PTPRT: variants seen among roughly 807,000 people sequenced by gnomAD.
PTPRT encodes the protein receptor-type tyrosine-protein phosphatase T.
A neutral mutation model predicts 176.8 loss-of-function variants in PTPRT; 56 were observed. The observed-to-expected ratio is 0.32, with a 90% CI of 0.26 to 0.40. The LOEUF is 0.40. Ranked by LOEUF, PTPRT falls within the 10% of genes least tolerant of loss-of-function variation. PTPRT has a pLI of 1.00. For missense variants in PTPRT, 1,540 were observed against 1,908.2 expected, an observed-to-expected ratio of 0.81 and a Z score of 3.60; for synonymous variants, 783 against 739.0, an observed-to-expected ratio of 1.06 and a Z score of -0.96.
At chr20:42,980,512 TTC>T (rs771535448) in intron 1 of PTPRT, among the ~76,000 whole-genome samples, 78 of 152,374 alleles carry the variant, frequency 5.1e-4, no homozygotes, top group Non-Finnish European at 8.1e-4. Context: ...GTTAAATACA[TTC>T]TCTTATTCAA....
chr20:42,929,004 C>A (rs1453506085), intron 1 of PTPRT, among the ~76,000 whole-genome samples: 1 of 152,224 alleles, frequency 6.6e-6, no homozygotes, highest in Admixed American at 6.5e-5. Context: ...ACAGAACATA[C>A]CCCCTGCTTT....
At chr20:42,715,905 A>G (rs535312051) in intron 6 of PTPRT, among the ~76,000 whole-genome samples, 4 of 152,338 alleles carry the variant, frequency 2.6e-5, no homozygotes, top group South Asian at 2.1e-4. Flanking sequence ...AGTTAAAACA[A>G]TCTTGATTAA....
At chr20:42,068,618 A>G (rs1982181958), downstream of PTPRT, among the ~76,000 whole-genome samples, 1 of 152,224 alleles carries the variant, frequency 6.6e-6, no homozygotes, top group Admixed American at 6.5e-5. Flanking sequence ...GGGCGGGATG[A>G]GCCACTTTAT....
chr20:42,958,671 G>A (rs560523589), intron 1 of PTPRT, among the ~76,000 whole-genome samples: 3 of 151,798 alleles, frequency 2.0e-5, no homozygotes, highest in East Asian at 2.0e-4. Context: ...TTTACTAGGG[G>A]AACACATAAT....
At chr20:42,883,826 A>ACC in intron 2 of PTPRT, among the ~76,000 whole-genome samples, 2 of 120,298 alleles carry the variant, frequency 1.7e-5, no homozygotes, top group African/African-American at 7.1e-5. Context: ...ATATGCACAC[A>ACC]CACACACCCC....
At chr20:42,599,988 C>G (rs899433179) in intron 7 of PTPRT, among the ~76,000 whole-genome samples, 1 of 152,156 alleles carries the variant, frequency 6.6e-6, no homozygotes, top group Non-Finnish European at 1.5e-5. Context: ...GTGTTGTCCT[C>G]TCAGCCTTGA....
At chr20:42,779,849 G>GTT (rs11478372) in intron 4 of PTPRT, among the ~76,000 whole-genome samples, 4 of 146,274 alleles carry the variant, frequency 2.7e-5, no homozygotes, top group South Asian at 4.4e-4. Flanking sequence ...GTGGTGGTGT[G>GTT]TTTTTTTTTT....
chr20:42,859,890 C>T (rs1268132965), intron 2 of PTPRT, among the ~76,000 whole-genome samples: 1 of 151,958 alleles, frequency 6.6e-6, no homozygotes, highest in Admixed American at 6.6e-5. Context: ...CCGTGCCCAG[C>T]CAGTTTGATA....
chr20:42,707,184 T>G (rs778726136), intron 6 of PTPRT, among the ~76,000 whole-genome samples: 13 of 152,190 alleles, frequency 8.5e-5, no homozygotes, highest in East Asian at 1.9e-4. Context: ...GTTTGTTGTT[T>G]TTTTTGCCAC....
At chr20:42,289,664 T>G (rs1204739626) in intron 12 of PTPRT, among the ~76,000 whole-genome samples, 3 of 152,074 alleles carry the variant, frequency 2.0e-5, no homozygotes, top group African/African-American at 7.2e-5. Context: ...GGGAATACTC[T>G]GTTGATGATA....
intron 15 of PTPRT, among the ~76,000 whole-genome samples, chr20:42,217,172 G>A (rs886208668): frequency 2.0e-5 from 3 of 152,096 alleles, no homozygotes; most frequent in African/African-American, 4.8e-5. Context: ...ACAGGAGTTC[G>A]AGACCAGCCT....
At chr20:42,519,247 T>C (rs997248108) in intron 7 of PTPRT, among the ~76,000 whole-genome samples, 3 of 152,142 alleles carry the variant, frequency 2.0e-5, no homozygotes, top group Non-Finnish European at 2.9e-5. Flanking sequence ...CTTTTGGGAT[T>C]AGAGTTTTCC....
chr20:42,940,486 A>G (rs141719408), intron 1 of PTPRT, among the ~76,000 whole-genome samples: 86 of 152,342 alleles, frequency 5.6e-4, no homozygotes, highest in African/African-American at 2.0e-3. Context: ...AATGAATCCA[A>G]AAAGACAGGA....
At chr20:42,126,219 T>G (rs915049229) in intron 19 of PTPRT, among the ~76,000 whole-genome samples, 4 of 152,156 alleles carry the variant, frequency 2.6e-5, no homozygotes, top group Admixed American at 6.5e-5. Context: ...TTTGATAAGC[T>G]GACTTACTTG....
At chr20:42,510,247 G>T (rs1023545065) in intron 7 of PTPRT, among the ~76,000 whole-genome samples, 1 of 152,010 alleles carries the variant, frequency 6.6e-6, no homozygotes, top group African/African-American at 2.4e-5. Context: ...AATGCCCCAG[G>T]AAGAATTGGC....
At chr20:42,542,491 T>C (rs1357807904) in intron 7 of PTPRT, among the ~76,000 whole-genome samples, 2 of 152,166 alleles carry the variant, frequency 1.3e-5, no homozygotes, top group African/African-American at 4.8e-5. Flanking sequence ...TTTTCACATT[T>C]TAGACAGGAC....
chr20:42,498,567 A>G (rs950604790), intron 7 of PTPRT, among the ~76,000 whole-genome samples: 5 of 152,136 alleles, frequency 3.3e-5, no homozygotes, highest in Admixed American at 3.3e-4. Context: ...TTGCGGGGGA[A>G]GTTATATTCT....
chr20:43,011,717 T>C (rs977601141), intron 1 of PTPRT, among the ~76,000 whole-genome samples: 4 of 152,234 alleles, frequency 2.6e-5, no homozygotes, highest in African/African-American at 9.6e-5. Context: ...ACATATGTGA[T>C]GGTTAATACC....
At chr20:43,111,488 G>A (rs6072980) in intron 1 of PTPRT, among the ~76,000 whole-genome samples, 2 of 148,376 alleles carry the variant, frequency 1.3e-5, no homozygotes, top group Admixed American at 1.4e-4. Context: ...AGGTTGCAGT[G>A]AGCTGAGATC....
Sources: allele counts gnomAD v4.1 joint callset (sites outside exome capture counted in the v4.1 genomes callset), GRCh38; gene constraint gnomAD v4.1.1; transcripts MANE v1.5; gene names NCBI Gene and HGNC (gene_info 2026-07-23, HGNC 2026-07-21).